MAGEC3: variants seen among roughly 807,000 people sequenced by gnomAD.
MAGEC3 encodes melanoma-associated antigen C3.
MAGEC3 carries 34 observed loss-of-function variants against 35.3 expected under a neutral mutation model. The observed-to-expected ratio is 0.96, with a 90% CI of 0.73 to 1.28. The LOEUF is 1.28. Among genes scored for constraint, MAGEC3 ranks in the 50% most tolerant of loss-of-function variants. The probability of loss-of-function intolerance (pLI) is 0.00; values close to 1 mark genes in which losing one functional copy is unlikely to be tolerated. For missense variants in MAGEC3, 561 were observed against 483.6 expected (o/e 1.16, Z -1.50); for synonymous variants, 202 against 185.6 (o/e 1.09, Z -0.72).
intron 1 of MAGEC3, chrX:141,839,740 C>G: frequency 4.0e-6 from 3 of 741,959 alleles, no homozygotes; most frequent in Non-Finnish European, 4.8e-6. Flanking sequence ...TGGATCATTA[C>G]TTACTGTTCT....
rs769199547 is a variant in MAGEC3, at chrX:141,897,821, T to C, written c.1921T>C (p.Cys641Arg). The change falls in exon 8 of 8, where the codon TGT (cysteine) becomes CGT (arginine). Residue 641 changes from cysteine (C) to arginine (R), a missense_variant. Coordinates refer to ENST00000298296, the MANE Select transcript of MAGEC3 (RefSeq NM_138702.1). ...CCCCAGTGTCATGTCCACCAACTTC[T>C]GTCCTGAGTGATGTCTGAAGCAGAT... ...ASPSVMSTNF[C>R]PE 5.9e-6 allele frequency: 7 copies of C among 1,191,180 alleles called. No individual in the cohort carries two copies. Among genetic ancestry groups the C allele is most frequent in the Non-Finnish European group, 7.9e-6 (7 of 885,685 alleles).
intron 1 of MAGEC3, among the ~76,000 whole-genome samples, chrX:141,840,537 A>C (rs751612010): frequency 8.9e-6 from 1 of 111,920 alleles, no homozygotes; most frequent in African/African-American, 3.2e-5. Flanking sequence ...AGAACATTTC[A>C]TAAATTTGGC....
chrX:141,848,672 G>T (rs1413647374), intron 1 of MAGEC3, among the ~76,000 whole-genome samples: 1 of 111,148 alleles, frequency 9.0e-6, no homozygotes, highest in Non-Finnish European at 1.9e-5. Context: ...TGGATTGAAA[G>T]AATTAATATT....
chrX:141,870,493 GT>G (rs757873001), intron 2 of MAGEC3, among the ~76,000 whole-genome samples: 18 of 110,487 alleles, frequency 1.6e-4, no homozygotes, highest in South Asian at 7.6e-4. Flanking sequence ...GTTTACACAG[GT>G]TTTTTTTGCA....
intron 1 of MAGEC3, among the ~76,000 whole-genome samples, chrX:141,863,297 G>T (rs1603061285): frequency 9.0e-6 from 1 of 111,141 alleles, no homozygotes; most frequent in African/African-American, 3.3e-5. Context: ...AGGATAAGTT[G>T]TTGTTGGAGG....
intron 2 of MAGEC3, among the ~76,000 whole-genome samples, chrX:141,866,346 T>G (rs2017848977): frequency 8.9e-6 from 1 of 112,157 alleles, no homozygotes; most frequent in South Asian, 3.6e-4. Flanking sequence ...GCAATTCAGG[T>G]AAATTTTATT....
rs748799699 is a variant in MAGEC3, at chrX:141,897,036, C to T, written c.1278C>T (p.Thr426=). The T allele has an allele frequency of 4.1e-6, 5 of 1,211,196 alleles. No individual in the cohort carries two copies. The South Asian group carries it at 5.3e-5, about 13-fold the overall frequency. Reference sequence around the variant, plus strand: ...CCTGCTCATCCCCTCTTTTGTGGACCCGATTGGATGAGGAGTCCAGCAGTG... The same window carrying T: ...CCTGCTCATCCCCTCTTTTGTGGACTCGATTGGATGAGGAGTCCAGCAGTG... The part of the protein sequence containing the change: ...LDSCSSPLLW[T]RLDEESSSEE... The change falls in exon 7 of 8, where the codon ACC becomes ACT. Residue 426 remains threonine (T), a synonymous_variant. Transcript: ENST00000298296.
At chrX:141,862,483 T>TA (rs1304549487) in intron 1 of MAGEC3, among the ~76,000 whole-genome samples, 1 of 112,400 alleles carries the variant, frequency 8.9e-6, no homozygotes, top group Non-Finnish European at 1.9e-5. Context: ...TACCTGCATA[T>TA]TCATGTTTAC....
At chrX:141,844,944 G>A (rs901205905) in intron 1 of MAGEC3, among the ~76,000 whole-genome samples, 6 of 109,282 alleles carry the variant, frequency 5.5e-5, no homozygotes, top group Non-Finnish European at 7.7e-5. Flanking sequence ...TTTTTTAAGC[G>A]CTAACGTTTT....
At chrX:141,877,317 A>C (rs1326002898) in intron 2 of MAGEC3, among the ~76,000 whole-genome samples, 33 of 111,512 alleles carry the variant, frequency 3.0e-4, no homozygotes, top group Non-Finnish European at 3.8e-5. Context: ...TATTTGGTTA[A>C]AATGTTTTTG....
rs189953470 is a variant in MAGEC3 at position 141,850,826 on chromosome X, A to C, written c.123+12388A>C. Among the ~76,000 whole-genome samples, 617 of 111,225 alleles carry C rather than the reference A, an allele frequency of 5.5e-3. 8 individuals carry two copies. Among genetic ancestry groups the C allele is most frequent in the African/African-American group, 0.019 (578 of 30,716 alleles). On this transcript the variant is annotated intron_variant, in intron 1 of 7. Transcript: ENST00000298296. ...AGAATACTATGAAAATTTTATGCCCAAAATTAGAACATTTAGATGAAACTG... is the reference window on the plus strand; with the variant it reads ...AGAATACTATGAAAATTTTATGCCCCAAATTAGAACATTTAGATGAAACTG...
Position 141,843,608 on chromosome X carries a change from C to G in MAGEC3, c.123+5170C>G, listed in dbSNP as rs556891966. Among the ~76,000 whole-genome samples, 5 of 110,542 alleles carry G rather than the reference C, an allele frequency of 4.5e-5. 1 individual carries two copies. The East Asian group carries it at 1.4e-3, about 32-fold the overall frequency. On this transcript the variant is annotated intron_variant, in intron 1 of 7. Transcript: ENST00000298296. ...ATGCTCCTCAAGCAGGTATACAACT[C>G]CAGAAGAAATATCAGACATTCTCTT...
chrX:141,839,515 TGGCTGCCG>T, intron 1 of MAGEC3: 3 of 754,344 alleles, frequency 4.0e-6, no homozygotes, highest in Non-Finnish European at 4.7e-6. Context: ...GCTATTGTCT[TGGCTGCCG>T]GCTCTGGCTA....
intron 4 of MAGEC3, among the ~76,000 whole-genome samples, chrX:141,884,664 G>T (rs4298618): frequency 9.0e-6 from 1 of 111,274 alleles, no homozygotes; most frequent in African/African-American, 3.3e-5. Context: ...TTCTAATGGC[G>T]TGGAGAACAC....
In MAGEC3 at chrX:141,879,370, T is replaced by TTCCAACATGGAGGAGAGGC. The variant is rs2017942984; in HGVS notation, c.454_455insTCCAACATGGAGGAGAGGC (p.Tyr152PhefsTer41). ...TCCAACATGGAGGAGAGGCACAGGC[T>TTCCAACATGGAGGAGAGGC]ACACCCTTTCCCTTCCTGCCGTCAG... On this transcript the variant is annotated frameshift_variant, in exon 3 of 8. Transcript: ENST00000298296. LOFTEE classifies it high-confidence loss of function. 4.3e-6 allele frequency: 5 copies of TTCCAACATGGAGGAGAGGC among 1,175,212 alleles called. No homozygotes were observed. The highest frequency in any genetic ancestry group is 4.5e-6 in the Non-Finnish European group (4 of 886,225).
At chrX:141,864,819 C>T (rs1489382285) in intron 1 of MAGEC3, among the ~76,000 whole-genome samples, 5 of 111,756 alleles carry the variant, frequency 4.5e-5, no homozygotes, top group Non-Finnish European at 9.4e-5. Flanking sequence ...AAAGAAATTT[C>T]CAGATAGTGA....
At chrX:141,894,125 G>A (rs185189785) in intron 4 of MAGEC3, among the ~76,000 whole-genome samples, 1 of 111,788 alleles carries the variant, frequency 8.9e-6, no homozygotes, top group Non-Finnish European at 1.9e-5. Context: ...TGCAAACAGA[G>A]CATAGTTGCT....
chrX:141,838,685 A>T (rs1334149856), intron 1 of MAGEC3: 8 of 751,989 alleles, frequency 1.1e-5, no homozygotes, highest in Non-Finnish European at 1.3e-5. Flanking sequence ...CCTCAATGCC[A>T]CTGGGCTCCA....
intron 1 of MAGEC3, chrX:141,838,661 A>C (rs1181921803): frequency 1.3e-6 from 1 of 750,287 alleles, no homozygotes; most frequent in Non-Finnish European, 1.6e-6. Flanking sequence ...TCAGACATTT[A>C]GTTTGCACCT....
Sources: allele counts gnomAD v4.1 joint callset (sites outside exome capture counted in the v4.1 genomes callset), GRCh38; gene constraint gnomAD v4.1.1; transcripts MANE v1.5; gene names NCBI Gene and HGNC (gene_info 2026-07-23, HGNC 2026-07-21).